The following CAPN2 variants were observed in gnomAD, a reference collection of about 807,000 sequenced individuals.
CAPN2 encodes calpain 2.
In CAPN2, 92 loss-of-function variants were observed where a neutral mutation model predicts 102.3. The ratio of observed to expected loss-of-function variants is 0.90; its 90% confidence interval spans 0.76 to 1.07. The LOEUF is 1.07. CAPN2 is among the 50% of genes least tolerant of loss of function. The probability of loss-of-function intolerance (pLI) is 0.00; values close to 1 mark genes in which losing one functional copy is unlikely to be tolerated. For missense variants in CAPN2, 800 were observed against 909.4 expected, an observed-to-expected ratio of 0.88 and a Z score of 1.55; for synonymous variants, 340 against 355.4, an observed-to-expected ratio of 0.96 and a Z score of 0.49.
intron 20 of CAPN2, among the ~76,000 whole-genome samples, chr1:223,773,741 C>T (rs187767831): frequency 4.6e-5 from 7 of 151,870 alleles, no homozygotes; most frequent in Admixed American, 1.3e-4. Flanking sequence ...CCTGTAAATA[C>T]GTTACTCTGG....
At chr1:223,729,612 G>C (rs1660280054) in intron 2 of CAPN2, among the ~76,000 whole-genome samples, 1 of 152,144 alleles carries the variant, frequency 6.6e-6, no homozygotes, top group South Asian at 2.1e-4. Flanking sequence ...AAGTGGATGG[G>C]GAAGGCACAG....
rs760073870 is a variant in CAPN2, at chr1:223,752,954, C to A, written c.1133C>A (p.Pro378Gln). 1 of 1,613,756 alleles carries A rather than the reference C, an allele frequency of 6.2e-7. No individual in the cohort carries two copies. The highest frequency in any genetic ancestry group is 1.3e-5 in the African/African-American group (1 of 74,876). Residue 378 changes from proline to glutamine, a missense_variant and splice_region_variant, in exon 9 of 21, where the codon CCG becomes CAG. Transcript: ENST00000295006. ...ACCGCGGGAGGTTGCAGGAACTACC[C>A]GAGTAAGGGCTGTTGCATATAAGGG... ...GSTAGGCRNY[P>Q]NTFWMNPQYL... is the part of the protein sequence containing the mutation.
At chr1:223,732,093 G>A (rs1430481755) in intron 2 of CAPN2, among the ~76,000 whole-genome samples, 1 of 152,168 alleles carries the variant, frequency 6.6e-6, no homozygotes, top group South Asian at 2.1e-4. Flanking sequence ...GCAGGGAGGT[G>A]TGTAAGCAGG....
At chr1:223,767,606 T>C (rs1463455880) in intron 16 of CAPN2, among the ~76,000 whole-genome samples, 1 of 151,212 alleles carries the variant, frequency 6.6e-6, no homozygotes, top group Non-Finnish European at 1.5e-5. Flanking sequence ...ACATTTGGGT[T>C]GGTTCCAAGT....
At chr1:223,751,891 G>A (rs1297700618) in intron 7 of CAPN2, 106 bp from the exon 8 acceptor site, 2 of 723,450 alleles carry the variant, frequency 2.8e-6, no homozygotes, top group Non-Finnish European at 4.8e-6. Flanking sequence ...CCTTTCTGGA[G>A]CCTGAGCCCT....
rs979632338 is a variant in CAPN2, at chr1:223,759,546, G to A, written c.1529+65G>A. 3 of 1,356,968 alleles carry A rather than the reference G, an allele frequency of 2.2e-6. No homozygotes were observed. Among genetic ancestry groups the A allele is most frequent in the African/African-American group, 2.9e-5 (2 of 69,778 alleles). The allele number at this position is 1,356,968 out of a possible 1,614,324, so 84.1% of individuals were successfully genotyped here. A position where few individuals can be genotyped will look rare whatever the true frequency, so the allele number is the denominator to read the frequency against. ...TCCCTCCCCACTGGTCTGTTCCTCG[G>A]CCCCTAGAGGGCTCTTTCATCCTCT... On this transcript the variant is annotated intron_variant, in intron 12 of 20. Transcript: ENST00000295006. This position sits in a 1 kb window ranked among gnomAD's most constrained non-coding sequence, Gnocchi z 4.6.
intron 11 of CAPN2, chr1:223,758,394 T>C (rs1282367473): frequency 2.6e-5 from 4 of 152,266 alleles, no homozygotes; most frequent in South Asian, 2.1e-4. Flanking sequence ...CGGGCTCTTT[T>C]AGATGCTGCT....
chr1:223,747,351 A>G (rs948476658), intron 5 of CAPN2, among the ~76,000 whole-genome samples, 186 bp downstream of exon 5: 2 of 152,208 alleles, frequency 1.3e-5, no homozygotes, highest in African/African-American at 4.8e-5. Flanking sequence ...CAAAAGGAAG[A>G]CTAATACAAG....
chr1:223,751,875 T>G (rs991537248), intron 7 of CAPN2, 122 bp from the exon 8 acceptor site: 1 of 679,980 alleles, frequency 1.5e-6, no homozygotes, highest in Non-Finnish European at 2.6e-6. Context: ...TGTGGGCTAC[T>G]TTCCCCCTTT....
At chr1:223,739,331 G>A (rs1425088991) in intron 2 of CAPN2, among the ~76,000 whole-genome samples, 21 of 151,938 alleles carry the variant, frequency 1.4e-4, no homozygotes, top group African/African-American at 1.2e-4. Context: ...CTACAGGCGC[G>A]TGCCAACATG....
intron 2 of CAPN2, among the ~76,000 whole-genome samples, chr1:223,734,453 G>A (rs1434475228): frequency 6.6e-6 from 1 of 152,076 alleles, no homozygotes; most frequent in Admixed American, 6.6e-5. Flanking sequence ...ACCTCGCCCA[G>A]TGCTCACTAT....
At chr1:223,704,997 C>T (rs1178647013) in intron 1 of CAPN2, among the ~76,000 whole-genome samples, 1 of 152,126 alleles carries the variant, frequency 6.6e-6, no homozygotes, top group Admixed American at 6.5e-5. Context: ...GCCCACCAGC[C>T]CCTTCCTGGC....
intron 4 of CAPN2, among the ~76,000 whole-genome samples, chr1:223,745,842 G>A (rs1318816671): frequency 1.3e-5 from 2 of 152,204 alleles, no homozygotes; most frequent in Non-Finnish European, 2.9e-5. Flanking sequence ...CTACTTCCTT[G>A]ACAGGACACA....
chr1:223,774,604 C>A (rs1301362040), intron 20 of CAPN2, among the ~76,000 whole-genome samples: 5 of 152,218 alleles, frequency 3.3e-5, no homozygotes, highest in Non-Finnish European at 5.9e-5. Context: ...TGTGTGCAAT[C>A]AACCCTGTAA....
chr1:223,705,946 ATAGT>A (rs71830632), intron 1 of CAPN2, among the ~76,000 whole-genome samples: 29,599 of 152,000 alleles, frequency 0.19, 3,203 homozygotes, highest in African/African-American at 0.29. Context: ...GGGAGAATGG[ATAGT>A]TAGTATTTTG....
At position 223,727,457 on chromosome 1, in the gene CAPN2, G is replaced by A. The variant is rs990751182; in HGVS notation, c.307+9626G>A. On this transcript the variant is annotated intron_variant, in intron 2 of 20. Coordinates refer to ENST00000295006, the MANE Select transcript of CAPN2 (RefSeq NM_001748.5). The surrounding 1 kb of genome is among the most constrained non-coding windows in gnomAD (Gnocchi z 4.1). ...CCCCTGGGGGCTTGGCGGAGTTGGG[G>A]GGTGCATGGAATGCCCCCAGTTGAG... is the stretch of plus-strand genomic sequence containing the variant. Among the ~76,000 whole-genome samples the A allele has an allele frequency of 2.0e-5, 3 of 152,144 alleles. No homozygotes were observed. The highest frequency in any genetic ancestry group is 1.3e-4 in the Admixed American group (2 of 15,276).
rs936160575 is a variant in CAPN2 at position 223,707,255 on chromosome 1, C to T, written c.3+5424C>T. Among the ~76,000 whole-genome samples, 17 of 148,154 alleles carry T rather than the reference C, an allele frequency of 1.1e-4. 2 individuals carry two copies. In the Admixed American group the frequency reaches 1.2e-3, roughly 10 times the overall value. On this transcript the variant is annotated intron_variant, in intron 1 of 20. Transcript: ENST00000433674. ...CTTATTTTCTCTCTCTCTCTCTCTT[C>T]TTCTCTCTCTCTCTCTTTCTATCTC...
intron 2 of CAPN2, among the ~76,000 whole-genome samples, chr1:223,722,355 A>G (rs1041900571): frequency 1.6e-5 from 2 of 128,656 alleles, no homozygotes; most frequent in Non-Finnish European, 3.1e-5. Flanking sequence ...TAACAAAACC[A>G]TAGCTCACTG....
chr1:223,724,237 G>C (rs887820819), intron 2 of CAPN2, among the ~76,000 whole-genome samples: 3 of 152,202 alleles, frequency 2.0e-5, no homozygotes, highest in Admixed American at 6.5e-5. Flanking sequence ...TCCCCAAGAA[G>C]ACCAGCCAAG....
Sources: allele counts gnomAD v4.1 joint callset (sites outside exome capture counted in the v4.1 genomes callset), GRCh38; gene constraint gnomAD v4.1.1; non-coding constraint Gnocchi (gnomAD v3.1); transcripts MANE v1.5; gene names NCBI Gene and HGNC (gene_info 2026-07-23, HGNC 2026-07-21).